The following ARIH1 variants were observed in gnomAD, a reference collection of about 807,000 sequenced individuals.
ARIH1 encodes ariadne RBR E3 ubiquitin protein ligase 1.
A neutral mutation model predicts 85.0 loss-of-function variants in ARIH1; 8 were observed. The observed-to-expected ratio is 0.09, with a 90% CI of 0.06 to 0.17. The LOEUF (loss-of-function observed/expected upper bound fraction) is 0.17. ARIH1 is among the 10% of genes least tolerant of loss of function. The pLI, the probability that ARIH1 is intolerant of heterozygous loss-of-function variation, is 1.00. For missense variants in ARIH1, 311 were observed against 718.1 expected (o/e 0.43, Z 6.48); for synonymous variants, 238 against 253.6 (o/e 0.94, Z 0.59).
chr15:72,493,854 G>T (rs990646281), intron 1 of ARIH1, among the ~76,000 whole-genome samples: 1 of 151,308 alleles, frequency 6.6e-6, no homozygotes, highest in Non-Finnish European at 1.5e-5. Flanking sequence ...AAGAGTGACT[G>T]TTTATAAACT....
chr15:72,577,651 C>T (rs1413559325), intron 11 of ARIH1, among the ~76,000 whole-genome samples: 7 of 151,920 alleles, frequency 4.6e-5, no homozygotes, highest in African/African-American at 1.7e-4. Context: ...CTAGCCTGTG[C>T]GACAGAGTGA....
At chr15:72,562,935 A>G (rs2064203393) in intron 6 of ARIH1, among the ~76,000 whole-genome samples, 1 of 150,302 alleles carries the variant, frequency 6.7e-6, no homozygotes, top group East Asian at 1.9e-4. Flanking sequence ...GTGTTGCTAT[A>G]GAAGACCACA....
At chr15:72,484,810 A>G (rs2063831463) in intron 1 of ARIH1, among the ~76,000 whole-genome samples, 2 of 150,664 alleles carry the variant, frequency 1.3e-5, no homozygotes, top group South Asian at 4.2e-4. Flanking sequence ...CACACACCAC[A>G]GTTTCTTTAT....
At chr15:72,525,309 T>C (rs2064022516) in intron 2 of ARIH1, among the ~76,000 whole-genome samples, 1 of 152,264 alleles carries the variant, frequency 6.6e-6, no homozygotes, top group Admixed American at 6.5e-5. Flanking sequence ...TCATAATAAA[T>C]GTCAGTTATG....
chr15:72,512,049 A>G (rs968318720), intron 1 of ARIH1, among the ~76,000 whole-genome samples: 1 of 152,076 alleles, frequency 6.6e-6, no homozygotes. Flanking sequence ...TCCTTTTTAT[A>G]TATTGCTAGA....
intron 2 of ARIH1, among the ~76,000 whole-genome samples, chr15:72,521,484 T>C (rs998438510): frequency 1.1e-4 from 17 of 152,170 alleles, no homozygotes; most frequent in Admixed American, 5.9e-4. Context: ...CTCCATTCTC[T>C]TGATGCTTTC....
chr15:72,491,591 AT>A (rs1309780887), intron 1 of ARIH1, among the ~76,000 whole-genome samples: 2 of 152,218 alleles, frequency 1.3e-5, no homozygotes, highest in Non-Finnish European at 2.9e-5. Flanking sequence ...ATTGATAAAA[AT>A]AAGTCTTGGT....
chr15:72,503,507 T>C (rs903029399), intron 1 of ARIH1, among the ~76,000 whole-genome samples: 1 of 152,216 alleles, frequency 6.6e-6, no homozygotes, highest in African/African-American at 2.4e-5. Context: ...AGTGTTCTGG[T>C]AGTCACTCCT....
chr15:72,528,619 T>G (rs1567347829), intron 2 of ARIH1, among the ~76,000 whole-genome samples: 1 of 152,022 alleles, frequency 6.6e-6, no homozygotes, highest in Admixed American at 6.5e-5. Flanking sequence ...TTTAGCTGAC[T>G]GTGGCAGGAA....
chr15:72,582,555 T>C lies in ARIH1; in HGVS notation c.1589+368T>C, dbSNP rs976086371. Among the ~76,000 whole-genome samples, 1 of 152,016 alleles carries C rather than the reference T, an allele frequency of 6.6e-6. No individual in the cohort carries two copies. Among genetic ancestry groups the C allele is most frequent in the Non-Finnish European group, 1.5e-5 (1 of 68,016 alleles). ...GTCATGGCTATTCACAAATGAGCTA[T>C]GGAAACTTACTTTTTAGAGTTTTTA... is the stretch of plus-strand genomic sequence containing the variant. On this transcript the variant is annotated intron_variant, in intron 13 of 13. Transcript: ENST00000379887. This position sits in a 1 kb window ranked among gnomAD's most constrained non-coding sequence, Gnocchi z 4.6.
At chr15:72,583,123 G>T in intron 13 of ARIH1, 85 bp from the exon 14 acceptor site, 2 of 1,045,900 alleles carry the variant, frequency 1.9e-6, no homozygotes, top group South Asian at 1.4e-5. Flanking sequence ...ATAAACTATA[G>T]GGATGCCTTA....
chr15:72,475,589 CTT>C (rs746049774), intron 1 of ARIH1, among the ~76,000 whole-genome samples: 2 of 152,180 alleles, frequency 1.3e-5, no homozygotes, highest in African/African-American at 2.4e-5. Flanking sequence ...GATGGGCCTT[CTT>C]TTCAGATGGT....
At chr15:72,486,917 A>T (rs930823382) in intron 1 of ARIH1, among the ~76,000 whole-genome samples, 2 of 150,344 alleles carry the variant, frequency 1.3e-5, no homozygotes, top group African/African-American at 2.5e-5. Flanking sequence ...CTGGTCTCGA[A>T]CTCCTGTCTT....
At position 72,519,302 on chromosome 15, in the gene ARIH1, T is replaced by A. The variant is rs192930470; in HGVS notation, c.443+1168T>A. The stretch of plus-strand genomic sequence containing the variant: ...ATCACCCCATTTCATACACCTTGTA[T>A]CTATTAAATTACATTGTAAATAATA... On this transcript the variant is annotated intron_variant, in intron 2 of 13. Coordinates refer to ENST00000379887, the MANE Select transcript of ARIH1 (RefSeq NM_005744.5). 1.1e-4 allele frequency among the ~76,000 whole-genome samples: 16 copies of A among 152,014 alleles called. No homozygotes were observed. In the East Asian group the frequency reaches 2.9e-3, roughly 28 times the overall value.
chr15:72,518,236 A>G (rs2063983712), intron 2 of ARIH1, 102 bp downstream of exon 2: 2 of 926,316 alleles, frequency 2.2e-6, no homozygotes, highest in Middle Eastern at 2.6e-4. Context: ...ATATACCAGT[A>G]TGTGGACAAC....
At chr15:72,555,517 G>C (rs1287613211) in intron 4 of ARIH1, among the ~76,000 whole-genome samples, 154 bp downstream of exon 4, 1 of 152,204 alleles carries the variant, frequency 6.6e-6, no homozygotes, top group East Asian at 1.9e-4. Context: ...CTAAAGTAAT[G>C]TGGCATTCCA....
Position 72,583,504 on chromosome 15 carries a change from A to G in ARIH1, c.*212A>G. On this transcript the variant is annotated 3_prime_UTR_variant, in exon 14 of 14. Coordinates refer to ENST00000379887, the MANE Select transcript of ARIH1 (RefSeq NM_005744.5). The stretch of plus-strand genomic sequence containing the variant: ...TTGTACAACAGTATTCTAGGCCACC[A>G]ACAAAAGTGTGACAGACACACTAAA... 3 of 429,838 alleles carry G rather than the reference A, an allele frequency of 7.0e-6. No individual in the cohort carries two copies. Among genetic ancestry groups the G allele is most frequent in the Non-Finnish European group, 1.2e-5 (3 of 241,304 alleles). The allele number at this position is 429,838 out of a possible 1,614,324, so 26.6% of individuals were successfully genotyped here.
intron 11 of ARIH1, among the ~76,000 whole-genome samples, chr15:72,574,038 T>G (rs1435998861): frequency 1.3e-5 from 2 of 152,230 alleles, no homozygotes; most frequent in African/African-American, 4.8e-5. Context: ...TTATCACCTT[T>G]TTTTCTCCAT....
intron 1 of ARIH1, among the ~76,000 whole-genome samples, chr15:72,500,325 C>T (rs1465260954): frequency 1.3e-5 from 2 of 152,270 alleles, no homozygotes; most frequent in South Asian, 2.1e-4. Flanking sequence ...GATCTCTTGA[C>T]CTCGTGATCT....
Sources: allele counts gnomAD v4.1 joint callset (sites outside exome capture counted in the v4.1 genomes callset), GRCh38; gene constraint gnomAD v4.1.1; non-coding constraint Gnocchi (gnomAD v3.1); transcripts MANE v1.5; gene names NCBI Gene and HGNC (gene_info 2026-07-23, HGNC 2026-07-21).